Variants in PPARGC1A observed in about 807,000 individuals in gnomAD.
The protein encoded by PPARGC1A is PPARG coactivator 1 alpha.
PPARGC1A carries 25 observed loss-of-function variants against 88.7 expected under a neutral mutation model. The ratio of observed to expected loss-of-function variants is 0.28; its 90% confidence interval spans 0.21 to 0.39. The LOEUF is 0.39. PPARGC1A is among the 10% of genes least tolerant of loss of function. The pLI, the probability that PPARGC1A is intolerant of heterozygous loss-of-function variation, is 1.00. For missense variants in PPARGC1A, 880 were observed against 968.7 expected (o/e 0.91, Z 1.22); for synonymous variants, 363 against 355.6 (o/e 1.02, Z -0.24).
the PPARGC1A span, among the ~76,000 whole-genome samples, chr4:23,988,586 G>A: frequency 6.6e-6 from 1 of 151,908 alleles, no homozygotes; most frequent in Non-Finnish European, 1.5e-5. Context: ...AAATTTCAGT[G>A]TACTGAAGAT....
At chr4:23,840,741 A>G (rs1278084979) in intron 2 of PPARGC1A, among the ~76,000 whole-genome samples, 1 of 152,136 alleles carries the variant, frequency 6.6e-6, no homozygotes, top group Non-Finnish European at 1.5e-5. Flanking sequence ...GTAACTAAAG[A>G]GTCTAATCCA....
chr4:24,423,843 C>T, the PPARGC1A span, among the ~76,000 whole-genome samples: 2 of 152,208 alleles, frequency 1.3e-5, no homozygotes, highest in African/African-American at 4.8e-5. Context: ...ACGCTGCCTA[C>T]AAGTCAGGCC....
At chr4:23,878,220 GA>G (rs1426682804) in intron 2 of PPARGC1A, among the ~76,000 whole-genome samples, 1 of 152,026 alleles carries the variant, frequency 6.6e-6, no homozygotes, top group Non-Finnish European at 1.5e-5. Context: ...TAGAGTATCT[GA>G]CATGAAATCA....
the PPARGC1A span, among the ~76,000 whole-genome samples, chr4:24,203,665 C>T: frequency 6.6e-6 from 1 of 152,298 alleles, no homozygotes; most frequent in African/African-American, 2.4e-5. Context: ...TATAAAAATC[C>T]ATCCTTTTGC....
At chr4:23,917,376 CTTTTT>C in the PPARGC1A span, among the ~76,000 whole-genome samples, 1 of 132,522 alleles carries the variant, frequency 7.5e-6, no homozygotes, top group African/African-American at 2.9e-5. Flanking sequence ...TTCTTTCTTT[CTTTTT>C]TTTTTTTTTT....
the PPARGC1A span, among the ~76,000 whole-genome samples, chr4:23,977,803 C>A: frequency 6.6e-6 from 1 of 152,256 alleles, no homozygotes; most frequent in Non-Finnish European, 1.5e-5. Flanking sequence ...CCTTCTGTCC[C>A]CTACTTCGAC....
chr4:24,037,295 G>A, the PPARGC1A span, among the ~76,000 whole-genome samples: 3 of 152,230 alleles, frequency 2.0e-5, no homozygotes, highest in South Asian at 4.1e-4. Context: ...GAAAAAGTTA[G>A]CTACTATTAC....
chr4:24,125,943 G>A, the PPARGC1A span, among the ~76,000 whole-genome samples: 1 of 152,118 alleles, frequency 6.6e-6, no homozygotes, highest in Non-Finnish European at 1.5e-5. Flanking sequence ...GAAGAGGATG[G>A]GCTCAAAGTG....
At chr4:24,306,191 TA>T in the PPARGC1A span, among the ~76,000 whole-genome samples, 1 of 152,094 alleles carries the variant, frequency 6.6e-6, no homozygotes, top group Non-Finnish European at 1.5e-5. Context: ...GTCATCCAGC[TA>T]ATTAAAAATG....
the PPARGC1A span, among the ~76,000 whole-genome samples, chr4:24,124,561 T>C: frequency 1.3e-5 from 2 of 152,298 alleles, no homozygotes; most frequent in South Asian, 4.1e-4. Context: ...AAGCTATGCG[T>C]CTTTGCCGAA....
the PPARGC1A span, among the ~76,000 whole-genome samples, chr4:24,175,374 CG>C: frequency 6.0e-4 from 76 of 127,322 alleles, no homozygotes; most frequent in African/African-American, 1.9e-3. Context: ...CTCTTTGTTT[CG>C]TTTTTTTTTT....
At chr4:24,176,189 T>G in the PPARGC1A span, among the ~76,000 whole-genome samples, 1 of 152,168 alleles carries the variant, frequency 6.6e-6, no homozygotes, top group East Asian at 1.9e-4. Flanking sequence ...TGCATAAAGA[T>G]CTCTTCTTCC....
chr4:23,947,382 TATATATATATATATA>T, the PPARGC1A span, among the ~76,000 whole-genome samples: 4 of 15,286 alleles, frequency 2.6e-4, no homozygotes, highest in African/African-American at 7.8e-4. Flanking sequence ...TATATATATA[TATATATATATATATA>T]AAAAAAACGG....
intron 10 of PPARGC1A, among the ~76,000 whole-genome samples, chr4:23,806,126 C>G (rs1180211724): frequency 6.6e-6 from 1 of 152,134 alleles, no homozygotes; most frequent in East Asian, 1.9e-4. Context: ...TTTCTACCAT[C>G]TCTTTTTATG....
the PPARGC1A span, among the ~76,000 whole-genome samples, chr4:24,108,685 C>T: frequency 1.3e-5 from 2 of 152,034 alleles, no homozygotes; most frequent in Non-Finnish European, 2.9e-5. Context: ...AAGATCTCAG[C>T]GCTGAATCCA....
the PPARGC1A span, among the ~76,000 whole-genome samples, chr4:24,085,927 C>T: frequency 2.0e-5 from 3 of 152,092 alleles, no homozygotes; most frequent in Non-Finnish European, 2.9e-5. Flanking sequence ...AACTAATATC[C>T]CCCTCATTCA....
At position 23,812,836 on chromosome 4, in the gene PPARGC1A, T is replaced by A; in HGVS notation, c.1930A>T (p.Arg644Trp). The A allele has an allele frequency of 6.2e-7, 1 of 1,614,004 alleles. No individual in the cohort carries two copies. Among genetic ancestry groups the A allele is most frequent in the Non-Finnish European group, 8.5e-7 (1 of 1,179,982 alleles). ...CTGCGATATTCTTCCCTCTTCAGCC[T>A]CTCGTGCTGATATTCCTCGTAGCTG... ...YDSYEEYQHE[R>W]LKREEYRREY... Residue 644 changes from arginine to tryptophan, a missense_variant, in exon 10 of 13, where the codon AGG becomes TGG. Physicochemically the swap from Arg to Trp is moderately radical, Grantham distance 101. Transcript: ENST00000264867.
At chr4:24,454,737 C>CA in the PPARGC1A span, among the ~76,000 whole-genome samples, 43,254 of 141,598 alleles carry the variant, frequency 0.31, 7,391 homozygotes, top group African/African-American at 0.49. Context: ...GACCTTGTCT[C>CA]AAAAAAAAAA....
At chr4:24,305,561 C>T in the PPARGC1A span, among the ~76,000 whole-genome samples, 1 of 152,162 alleles carries the variant, frequency 6.6e-6, no homozygotes, top group Non-Finnish European at 1.5e-5. Flanking sequence ...GCCTGTAATC[C>T]CAGCACTTTG....
Sources: gnomAD v4.1 joint callset for allele counts (sites outside exome capture counted in the v4.1 genomes callset) on GRCh38, gnomAD v4.1.1 for gene constraint, MANE v1.5 for transcripts, NCBI Gene and HGNC (gene_info 2026-07-23, HGNC 2026-07-21) for gene names.